The following DLEC1 variants were observed in gnomAD, a reference collection of about 807,000 sequenced individuals.
DLEC1 encodes deleted in lung and esophageal cancer protein 1.
DLEC1 carries 146 observed loss-of-function variants against 198.1 expected under a neutral mutation model. The ratio of observed to expected loss-of-function variants is 0.74; its 90% CI spans 0.64 to 0.85. The LOEUF is 0.85. Among genes scored for constraint, DLEC1 ranks in the 40% least tolerant of loss-of-function variants. DLEC1 has a pLI of 0.00. For synonymous variants in DLEC1, 897 were observed against 866.8 expected (o/e 1.03, Z -0.61); for missense variants, 2,233 against 2,220.0 (o/e 1.01, Z -0.12).
Position 38,112,406 on chromosome 3 carries a change from G to T in DLEC1, c.3666+45G>T, listed in dbSNP as rs1269990176. The stretch of plus-strand genomic sequence containing the variant: ...CAGTGGCCTGGGGGGTGGAGAGTCT[G>T]CCCAGCCCTCGCCTTCAGCCTCTCT... On this transcript the variant is annotated intron_variant, in intron 25 of 36. Coordinates refer to ENST00000308059, the MANE Select transcript of DLEC1 (RefSeq NM_007335.4). This position sits in a 1 kb window ranked among gnomAD's most constrained non-coding sequence, Gnocchi z 4.8. The T allele has an allele frequency of 6.2e-7, 1 of 1,602,768 alleles. No homozygotes were observed. The highest frequency in any genetic ancestry group is 1.7e-5 in the Admixed American group (1 of 59,812).
At chr3:38,095,182 T>A (rs1003067035) in intron 13 of DLEC1, 111 bp downstream of exon 13, 2 of 1,368,644 alleles carry the variant, frequency 1.5e-6, no homozygotes, top group Non-Finnish European at 2.0e-6. Context: ...CGAGGTGCTA[T>A]CCTGCCCAGG....
In DLEC1 at chr3:38,063,163, C is replaced by T. The variant is rs552639081; in HGVS notation, c.1094+362C>T. Among the ~76,000 whole-genome samples the T allele has an allele frequency of 5.3e-5, 8 of 152,286 alleles. No homozygotes were observed. In the East Asian group the frequency reaches 1.5e-3, roughly 29 times the overall value. On this transcript the variant is annotated intron_variant, in intron 5 of 36. Transcript: ENST00000308059. Reference sequence around the variant, plus strand: ...ATAATTAGTGTAAACTGTGATTTTTCTTTAAGAGTGCCTTTGCCTATATAT... The same window carrying T: ...ATAATTAGTGTAAACTGTGATTTTTTTTTAAGAGTGCCTTTGCCTATATAT...
At chr3:38,088,634 C>A (rs982527276) in intron 10 of DLEC1, among the ~76,000 whole-genome samples, 9 of 152,168 alleles carry the variant, frequency 5.9e-5, no homozygotes, top group African/African-American at 1.9e-4. Flanking sequence ...CTAGTCCACA[C>A]CTTTAGTCTG....
intron 5 of DLEC1, among the ~76,000 whole-genome samples, chr3:38,063,274 A>G (rs1696794387): frequency 6.6e-6 from 1 of 152,210 alleles, no homozygotes; most frequent in Non-Finnish European, 1.5e-5. Flanking sequence ...TCTTTATTAG[A>G]CAACTAATAT....
At chr3:38,064,007 C>CTTTTTTTTTTTTTTTTT (rs71094947) in intron 6 of DLEC1, 88 bp downstream of exon 6, 5 of 417,584 alleles carry the variant, frequency 1.2e-5, no homozygotes, top group African/African-American at 3.2e-5. Flanking sequence ...TTTTTTTTTT[C>CTTTTTTTTTTTTTTTTT]TTTTTTTTTT....
chr3:38,045,253 A>G (rs1700830867), intron 1 of DLEC1, among the ~76,000 whole-genome samples: 1 of 152,154 alleles, frequency 6.6e-6, no homozygotes, highest in Non-Finnish European at 1.5e-5. Context: ...GAAGTGTGCT[A>G]ACTTGTATTT....
At chr3:38,092,328 C>G (rs1473066466) in intron 10 of DLEC1, among the ~76,000 whole-genome samples, 1 of 152,116 alleles carries the variant, frequency 6.6e-6, no homozygotes, top group Non-Finnish European at 1.5e-5. Context: ...TATGTTGGAC[C>G]TTAAATAATT....
intron 1 of DLEC1, among the ~76,000 whole-genome samples, chr3:38,042,801 C>T (rs545315690): frequency 6.6e-6 from 1 of 152,224 alleles, no homozygotes; most frequent in African/African-American, 2.4e-5. Flanking sequence ...GTGATCCACC[C>T]GCCTCGGCCT....
At chr3:38,065,809 C>G (rs977831187) in intron 6 of DLEC1, among the ~76,000 whole-genome samples, 1 of 152,160 alleles carries the variant, frequency 6.6e-6, no homozygotes, top group African/African-American at 2.4e-5. Context: ...GCATCAGAAT[C>G]TAAACATTGC....
In DLEC1 at chr3:38,088,307, C is replaced by T. The variant is rs372191188; in HGVS notation, c.1584C>T (p.Thr528=). The T allele has an allele frequency of 1.9e-4, 299 of 1,613,864 alleles. No individual in the cohort carries two copies. The highest frequency in any genetic ancestry group is 2.4e-4 in the Non-Finnish European group (279 of 1,179,842). ...TGCTTTTCTTTAAGGCCATTGCAAC[C>T]GTCGGCTTTGTTGAACAACCTCCTT... is the stretch of plus-strand genomic sequence containing the variant. ...WPPLSFKAIA[T]VGFVEQPPFG... is the part of the protein sequence containing the mutation. The change falls in exon 10 of 37, where the codon ACC becomes ACT. Residue 528 remains threonine (T), a synonymous_variant. Transcript: ENST00000308059.
At chr3:38,090,457 C>G (rs371216597) in intron 10 of DLEC1, among the ~76,000 whole-genome samples, 1 of 152,196 alleles carries the variant, frequency 6.6e-6, no homozygotes. Flanking sequence ...AGAGATCATT[C>G]TCATATGTTT....
In DLEC1 at chr3:38,062,221, C is replaced by T. The variant is rs760485634; in HGVS notation, c.726C>T (p.Ser242=). 162 of 1,614,040 alleles carry T rather than the reference C, an allele frequency of 1.0e-4. No individual in the cohort carries two copies. The highest frequency in any genetic ancestry group is 4.9e-4 in the Middle Eastern group (3 of 6,084). ...TGACATTTAGCTGTGAGAAGCGTTC[C>T]GTCCAGAAGAAAGAGCTGAACAAGA... ...SKLTFSCEKR[S]VQKKELNKKL... The change falls in exon 4 of 37, where the codon TCC becomes TCT. Residue 242 remains serine, a synonymous_variant. Coordinates refer to ENST00000308059, the MANE Select transcript of DLEC1 (RefSeq NM_007335.4).
chr3:38,082,165 G>A (rs1385731632), intron 6 of DLEC1, among the ~76,000 whole-genome samples: 17 of 146,076 alleles, frequency 1.2e-4, no homozygotes, highest in African/African-American at 3.1e-4. Flanking sequence ...ATGGGGCGGC[G>A]GGGCAGAGGC....
chr3:38,084,569 A>G (rs928911337), intron 7 of DLEC1, among the ~76,000 whole-genome samples: 26 of 2,798 alleles, frequency 9.3e-3, no homozygotes, highest in South Asian at 0.027. Flanking sequence ...TAGTGGTAGT[A>G]GTAGTAGTGG....
chr3:38,057,238 C>T (rs889475490), intron 2 of DLEC1, among the ~76,000 whole-genome samples: 2 of 152,232 alleles, frequency 1.3e-5, no homozygotes, highest in Admixed American at 6.5e-5. Context: ...CGCCTGTAAT[C>T]CCAGTACTTT....
rs1699111572 is a variant in DLEC1 at position 38,097,850 on chromosome 3, C to A, written c.2672C>A (p.Ala891Asp). Residue 891 changes from alanine (A) to aspartate (D), a missense_variant, in exon 18 of 37, where the codon GCC becomes GAC. Ala to Asp is a moderately radical substitution (Grantham distance 126, BLOSUM62 -2). Coordinates refer to ENST00000308059, the MANE Select transcript of DLEC1 (RefSeq NM_007335.4). ...ATCCGGAACGTCAGCCAGCTCCCAG[C>A]CACATGGCGCATGAAGGAGAGCCCA... ...IQIRNVSQLP[A>D]TWRMKESPVS... The A allele has an allele frequency of 2.5e-6, 4 of 1,614,236 alleles. No homozygotes were observed. The East Asian group carries it at 8.9e-5, about 36-fold the overall frequency.
rs1698573582 is a variant in DLEC1, at chr3:38,088,368, G to A, written c.1645G>A (p.Gly549Arg). 1 of 1,613,612 alleles carries A rather than the reference G, an allele frequency of 6.2e-7. No individual in the cohort carries two copies. The highest frequency in any genetic ancestry group is 1.7e-5 in the Admixed American group (1 of 59,980). ...GCCTTCGGTGTTTGAGCTGGCCCCG[G>A]GACATGCTATATTAGTGGAGGTAGG... ...ILPSVFELAP[G>R]HAILVEVLFS... is the part of the protein sequence containing the mutation. Residue 549 changes from glycine (G) to arginine (R), a missense_variant, in exon 10 of 37, where the codon GGA (glycine) becomes AGA (arginine). Physicochemically the swap from Gly to Arg is moderately radical, Grantham distance 125 (BLOSUM62 -2). Transcript: ENST00000308059.
chr3:38,050,281 G>A (rs1701052172), intron 2 of DLEC1, among the ~76,000 whole-genome samples: 2 of 152,238 alleles, frequency 1.3e-5, no homozygotes, highest in South Asian at 4.1e-4. Context: ...TGTTGCCCAG[G>A]CTGAGTTTCC....
chr3:38,080,802 C>CTTTTTTTTTTTTTTTTTT (rs76282097), intron 6 of DLEC1, among the ~76,000 whole-genome samples: 1 of 112,798 alleles, frequency 8.9e-6, no homozygotes, highest in East Asian at 2.7e-4. Context: ...TTCGGGTGTT[C>CTTTTTTTTTTTTTTTTTT]TTTTTTTTTT....
Sources: gnomAD v4.1 joint callset for allele counts (sites outside exome capture counted in the v4.1 genomes callset) on GRCh38, gnomAD v4.1.1 for gene constraint, Gnocchi (gnomAD v3.1) non-coding constraint, MANE v1.5 for transcripts, NCBI Gene and HGNC (gene_info 2026-07-23, HGNC 2026-07-21) for gene names.